Variants in NLGN1 observed in about 807,000 individuals in gnomAD.
NLGN1 encodes neuroligin-1.
Under a neutral mutation model 65.5 loss-of-function variants are expected in NLGN1, and 12 were observed. That is an observed-to-expected ratio of 0.18 (90% CI 0.12 to 0.30). The LOEUF (loss-of-function observed/expected upper bound fraction) is 0.30. Among genes scored for constraint, NLGN1 ranks in the 10% least tolerant of loss-of-function variants. NLGN1 has a pLI of 1.00. For missense variants in NLGN1, 750 were observed against 1,007.1 expected (o/e 0.74, Z 3.46); for synonymous variants, 350 against 359.5 (o/e 0.97, Z 0.30).
intron 4 of NLGN1, among the ~76,000 whole-genome samples, chr3:174,210,574 A>C (rs1377222632): frequency 6.6e-6 from 1 of 152,194 alleles, no homozygotes; most frequent in Non-Finnish European, 1.5e-5. Flanking sequence ...AAAAAGCTTG[A>C]GGCCCAAAGA....
chr3:173,458,644 C>T (rs1441520611), intron 2 of NLGN1, among the ~76,000 whole-genome samples: 2 of 152,102 alleles, frequency 1.3e-5, no homozygotes, highest in African/African-American at 4.8e-5. Flanking sequence ...TTCCTCATCA[C>T]CCACTCTCTA....
chr3:174,203,976 T>G (rs1157849294), intron 4 of NLGN1, among the ~76,000 whole-genome samples: 1 of 152,188 alleles, frequency 6.6e-6, no homozygotes. Context: ...TATACAGACT[T>G]TTTTATCATA....
At chr3:173,716,992 G>A (rs1469041630) in intron 3 of NLGN1, among the ~76,000 whole-genome samples, 1 of 152,156 alleles carries the variant, frequency 6.6e-6, no homozygotes, top group African/African-American at 2.4e-5. Flanking sequence ...TCTAGCATTT[G>A]ATTTCCTCTC....
chr3:173,906,759 G>A (rs960804773), intron 4 of NLGN1, among the ~76,000 whole-genome samples: 1 of 151,586 alleles, frequency 6.6e-6, no homozygotes, highest in African/African-American at 2.4e-5. Flanking sequence ...GCTGACACAG[G>A]AGGATCACTT....
chr3:174,281,334 A>G, exon 7 of NLGN1: 1 of 1,417,612 alleles, frequency 7.1e-7, no homozygotes, highest in Non-Finnish European at 9.8e-7. Flanking sequence ...ATTTTTTTTG[A>G]TGGATTGCAG....
chr3:173,745,204 G>A (rs974459925), intron 3 of NLGN1, among the ~76,000 whole-genome samples: 5 of 152,044 alleles, frequency 3.3e-5, no homozygotes, highest in Non-Finnish European at 7.4e-5. Context: ...TGCCTTGCTT[G>A]TGACTAATGT....
chr3:174,111,978 A>G (rs967747135), intron 4 of NLGN1, among the ~76,000 whole-genome samples: 5 of 151,862 alleles, frequency 3.3e-5, no homozygotes, highest in African/African-American at 9.7e-5. Context: ...CCAATTTGGA[A>G]CTTCTGTTCT....
intron 3 of NLGN1, among the ~76,000 whole-genome samples, chr3:173,748,150 G>A (rs1174737147): frequency 2.0e-5 from 3 of 152,002 alleles, no homozygotes; most frequent in Non-Finnish European, 4.4e-5. Flanking sequence ...ATTTGTTGAT[G>A]TAGTACTTAT....
At chr3:173,692,111 CA>C (rs1458910959) in intron 3 of NLGN1, among the ~76,000 whole-genome samples, 1 of 151,970 alleles carries the variant, frequency 6.6e-6, no homozygotes, top group Non-Finnish European at 1.5e-5. Context: ...CTAATTAAAT[CA>C]AAATATAGCA....
chr3:173,502,230 G>T (rs1178545811), intron 2 of NLGN1, among the ~76,000 whole-genome samples: 1 of 151,824 alleles, frequency 6.6e-6, no homozygotes, highest in Non-Finnish European at 1.5e-5. Context: ...TTAATTTTTT[G>T]GCCATAAACG....
At chr3:174,126,572 T>C (rs965150039) in intron 4 of NLGN1, among the ~76,000 whole-genome samples, 1 of 152,148 alleles carries the variant, frequency 6.6e-6, no homozygotes, top group African/African-American at 2.4e-5. Context: ...CTCAGTTAAT[T>C]GTTCCCATCA....
chr3:173,510,071 G>A (rs987516232), intron 2 of NLGN1, among the ~76,000 whole-genome samples: 3 of 152,266 alleles, frequency 2.0e-5, no homozygotes, highest in Middle Eastern at 3.4e-3. Flanking sequence ...ATGGAACAAT[G>A]TACAGGATAA....
At chr3:173,755,761 C>T (rs571778155) in intron 3 of NLGN1, among the ~76,000 whole-genome samples, 1 of 152,096 alleles carries the variant, frequency 6.6e-6, no homozygotes, top group East Asian at 1.9e-4. Flanking sequence ...ATTTTGTGTT[C>T]CTCTAGCACA....
intron 3 of NLGN1, among the ~76,000 whole-genome samples, chr3:173,666,002 C>T (rs184624322): frequency 1.9e-4 from 29 of 152,234 alleles, no homozygotes; most frequent in African/African-American, 6.7e-4. Flanking sequence ...GGCTATTCAT[C>T]CTTGTGTCCC....
chr3:174,185,308 A>G (rs1426111690), intron 4 of NLGN1, among the ~76,000 whole-genome samples: 1 of 152,158 alleles, frequency 6.6e-6, no homozygotes, highest in African/African-American at 2.4e-5. Context: ...CACATTGTCT[A>G]AATCAGCAGT....
intron 4 of NLGN1, among the ~76,000 whole-genome samples, chr3:173,933,496 T>C (rs1326825430): frequency 6.6e-6 from 1 of 152,184 alleles, no homozygotes; most frequent in Non-Finnish European, 1.5e-5. Context: ...GGTATCTATC[T>C]TGGTTGACAA....
chr3:173,745,818 C>A (rs1775280116), intron 3 of NLGN1, among the ~76,000 whole-genome samples: 1 of 152,018 alleles, frequency 6.6e-6, no homozygotes, highest in South Asian at 2.1e-4. Context: ...TTTATTTTGA[C>A]AAAGGATAAT....
intron 4 of NLGN1, among the ~76,000 whole-genome samples, chr3:174,155,232 C>T (rs905750714): frequency 7.3e-5 from 11 of 150,872 alleles, no homozygotes; most frequent in South Asian, 2.1e-4. Context: ...AAAGACAAGA[C>T]GTTGATACTC....
chr3:173,926,365 C>T (rs1743007654), intron 4 of NLGN1, among the ~76,000 whole-genome samples: 1 of 152,050 alleles, frequency 6.6e-6, no homozygotes, highest in Admixed American at 6.6e-5. Flanking sequence ...CTAAATAATA[C>T]TTTTTTATTT....
Sources: gnomAD v4.1 joint callset for allele counts (sites outside exome capture counted in the v4.1 genomes callset) on GRCh38, gnomAD v4.1.1 for gene constraint, MANE v1.5 for transcripts, NCBI Gene and HGNC (gene_info 2026-07-23, HGNC 2026-07-21) for gene names.